Variants in RNF111 observed in about 807,000 individuals in gnomAD.
RNF111 encodes the protein E3 ubiquitin-protein ligase Arkadia.
A neutral mutation model predicts 95.1 loss-of-function variants in RNF111; 17 were observed. The ratio of observed to expected loss-of-function variants is 0.18; its 90% CI spans 0.12 to 0.27. The LOEUF (loss-of-function observed/expected upper bound fraction) is 0.27, where lower values mean the gene tolerates loss of function less well. RNF111 is among the 10% of genes least tolerant of loss of function. The pLI, the probability that RNF111 is intolerant of heterozygous loss-of-function variation, is 1.00. For missense variants in RNF111, 1,189 were observed against 1,210.4 expected, an observed-to-expected ratio of 0.98 and a Z score of 0.26; for synonymous variants, 440 against 414.8, an observed-to-expected ratio of 1.06 and a Z score of -0.74.
In RNF111 at chr15:59,058,441, T is replaced by C. The variant is rs770570053; in HGVS notation, c.1257T>C (p.Ser419=). Residue 419 remains serine, a synonymous_variant, in exon 5 of 14, where the codon TCT becomes TCC. Coordinates refer to ENST00000348370, the MANE Select transcript of RNF111 (RefSeq NM_017610.8). ...ASINNSNPST[S]EQASDTASAV... is the part of the protein sequence containing the mutation. ...TTAACAATTCAAATCCATCTACCTC[T>C]GAGCAGGCCTCTGATACTGCTTCAG... The C allele has an allele frequency of 6.2e-7, 1 of 1,614,122 alleles. No homozygotes were observed.
At chr15:59,078,864 A>G (rs565991732) in intron 7 of RNF111, among the ~76,000 whole-genome samples, 1 of 135,006 alleles carries the variant, frequency 7.4e-6, no homozygotes, top group African/African-American at 3.1e-5. Context: ...CTCTCAAAAG[A>G]AGAAAAAAAA....
rs918476738 is a variant in RNF111, at chr15:58,994,743, G to A, written c.-20+6675G>A. Among the ~76,000 whole-genome samples, 32 of 152,062 alleles carry A rather than the reference G, an allele frequency of 2.1e-4. 1 individual carries two copies. Among genetic ancestry groups the A allele is most frequent in the Admixed American group, 4.6e-4 (7 of 15,262 alleles). On this transcript the variant is annotated intron_variant, in intron 1 of 13. Transcript: ENST00000348370. ...TCAGCCTACTTCAGCCTCCCAAAGT[G>A]CTGGGGTGAGCCTTTGCGCCTGGCC...
intron 7 of RNF111, among the ~76,000 whole-genome samples, chr15:59,077,801 C>G (rs1454153448): frequency 6.6e-6 from 1 of 152,264 alleles, no homozygotes; most frequent in South Asian, 2.1e-4. Context: ...ATTTACACAC[C>G]TCATTAGGAG....
At chr15:59,081,532 A>C (rs1395103718) in intron 8 of RNF111, among the ~76,000 whole-genome samples, 1 of 136,512 alleles carries the variant, frequency 7.3e-6, no homozygotes, top group Non-Finnish European at 1.5e-5. Flanking sequence ...CAACAACAAC[A>C]AAAAAAACCA....
intron 2 of RNF111, among the ~76,000 whole-genome samples, chr15:59,034,452 C>G (rs1474527852): frequency 6.6e-6 from 1 of 152,206 alleles, no homozygotes; most frequent in East Asian, 1.9e-4. Context: ...TGAGTGTTCA[C>G]TCTGTGCCAG....
intron 1 of RNF111, among the ~76,000 whole-genome samples, chr15:59,003,497 C>G (rs2039414099): frequency 6.6e-6 from 1 of 152,178 alleles, no homozygotes; most frequent in Non-Finnish European, 1.5e-5. Flanking sequence ...CTCCTAGGCT[C>G]AAACCATCCT....
At chr15:59,090,379 G>A (rs1299698691) in intron 11 of RNF111, among the ~76,000 whole-genome samples, 2 of 152,078 alleles carry the variant, frequency 1.3e-5, no homozygotes, top group South Asian at 2.1e-4. Context: ...ACAGGTGCCC[G>A]CCACCACGCC....
intron 1 of RNF111, among the ~76,000 whole-genome samples, chr15:59,016,255 C>T (rs190263383): frequency 1.3e-5 from 2 of 151,702 alleles, no homozygotes; most frequent in African/African-American, 4.8e-5. Flanking sequence ...CTGCAACCTC[C>T]ACCTCCTGGA....
At chr15:59,081,631 G>C (rs2078747519) in intron 8 of RNF111, among the ~76,000 whole-genome samples, 1 of 152,204 alleles carries the variant, frequency 6.6e-6, no homozygotes, top group African/African-American at 2.4e-5. Context: ...GCTAAGGCAG[G>C]AGGATAATTT....
chr15:59,014,538 A>G (rs1393673454), intron 1 of RNF111, among the ~76,000 whole-genome samples: 4 of 152,250 alleles, frequency 2.6e-5, no homozygotes, highest in African/African-American at 9.6e-5. Flanking sequence ...GCAGCTTTTC[A>G]AAAGCATTTT....
chr15:59,016,457 C>T (rs1221194569), intron 1 of RNF111, among the ~76,000 whole-genome samples: 2 of 152,096 alleles, frequency 1.3e-5, no homozygotes, highest in South Asian at 4.1e-4. Context: ...TTTCCATCAT[C>T]CTAAATTGTG....
At chr15:59,011,588 C>G (rs143313414) in intron 1 of RNF111, among the ~76,000 whole-genome samples, 1 of 152,154 alleles carries the variant, frequency 6.6e-6, no homozygotes, top group African/African-American at 2.4e-5. Flanking sequence ...CCTGAGGCCC[C>G]TCTTCTTGGT....
At chr15:59,001,469 T>G (rs148784450) in intron 1 of RNF111, among the ~76,000 whole-genome samples, 13 of 152,292 alleles carry the variant, frequency 8.5e-5, no homozygotes, top group African/African-American at 3.1e-4. Flanking sequence ...TAGTGGGGAT[T>G]GGAGGGAGAT....
At chr15:59,071,702 A>AT (rs567882008) in intron 6 of RNF111, among the ~76,000 whole-genome samples, 1,989 of 151,786 alleles carry the variant, frequency 0.013, 20 homozygotes, top group Non-Finnish European at 0.019. Flanking sequence ...AAAAAAAAAA[A>AT]AAATAAAGTT....
At chr15:59,065,475 A>G (rs2042615264) in intron 5 of RNF111, among the ~76,000 whole-genome samples, 1 of 152,190 alleles carries the variant, frequency 6.6e-6, no homozygotes, top group Non-Finnish European at 1.5e-5. Context: ...CAACCATGCA[A>G]GGCAATTTTA....
chr15:59,090,987 T>C, intron 11 of RNF111, 72 bp from the exon 12 acceptor site: 3 of 918,988 alleles, frequency 3.3e-6, no homozygotes, highest in African/African-American at 1.7e-5. Context: ...TTATTTCTTA[T>C]ACAATGTTGA....
At chr15:59,011,338 T>C (rs1199194867) in intron 1 of RNF111, among the ~76,000 whole-genome samples, 5 of 152,224 alleles carry the variant, frequency 3.3e-5, no homozygotes, top group African/African-American at 1.2e-4. Flanking sequence ...TCTCACTAAC[T>C]GCTAGACTAT....
rs150944278 is a variant in RNF111 at position 59,045,379 on chromosome 15, C to T, written c.881-6926C>T. Among the ~76,000 whole-genome samples, 634 of 151,964 alleles carry T rather than the reference C, an allele frequency of 4.2e-3. 4 individuals carry two copies. The highest frequency in any genetic ancestry group is 0.015 in the African/African-American group (614 of 41,462). The stretch of plus-strand genomic sequence containing the variant: ...CTACTTTTTGCATTTTTAGTAGAGA[C>T]GGGGTTTTACCATGTTGGCCAGGCT... On this transcript the variant is annotated intron_variant, in intron 2 of 13. Coordinates refer to ENST00000348370, the MANE Select transcript of RNF111 (RefSeq NM_017610.8).
chr15:59,062,199 C>T (rs1223945260), intron 5 of RNF111, among the ~76,000 whole-genome samples: 1 of 151,960 alleles, frequency 6.6e-6, no homozygotes, highest in East Asian at 1.9e-4. Flanking sequence ...CACTCTACCA[C>T]ACCTGGCCAA....
Sources: gnomAD v4.1 joint callset for allele counts (sites outside exome capture counted in the v4.1 genomes callset) on GRCh38, gnomAD v4.1.1 for gene constraint, MANE v1.5 for transcripts, NCBI Gene and HGNC (gene_info 2026-07-23, HGNC 2026-07-21) for gene names.